ALK: variants seen among roughly 807,000 people sequenced by gnomAD.
The protein encoded by ALK is ALK receptor tyrosine kinase.
Under a neutral mutation model 163.1 loss-of-function variants are expected in ALK, and 74 were observed. The ratio of observed to expected loss-of-function variants is 0.45; its 90% CI spans 0.38 to 0.55. ALK has a LOEUF of 0.55. ALK is among the 20% of genes least tolerant of loss of function. The pLI is 0.00. For missense variants in ALK, 2,063 were observed against 2,105.3 expected, an observed-to-expected ratio of 0.98 and a Z score of 0.39; for synonymous variants, 960 against 843.2, an observed-to-expected ratio of 1.14 and a Z score of -2.40.
chr2:29,295,156 C>G (rs1407448189), intron 9 of ALK, among the ~76,000 whole-genome samples: 1 of 152,160 alleles, frequency 6.6e-6, no homozygotes, highest in African/African-American at 2.4e-5. Flanking sequence ...ACAGTTTGGT[C>G]TCAGTATCAA....
intron 1 of ALK, among the ~76,000 whole-genome samples, chr2:29,852,419 A>C (rs1468383355): frequency 6.6e-6 from 1 of 152,180 alleles, no homozygotes; most frequent in Non-Finnish European, 1.5e-5. Flanking sequence ...AAGATGGGCC[A>C]CACCAGCCAG....
chr2:29,355,478 C>T (rs140180184), intron 5 of ALK, among the ~76,000 whole-genome samples: 87 of 152,134 alleles, frequency 5.7e-4, no homozygotes, highest in Non-Finnish European at 1.1e-3. Flanking sequence ...CACATACACA[C>T]CCACCACACA....
At chr2:29,561,902 T>C (rs1411630633) in intron 3 of ALK, among the ~76,000 whole-genome samples, 1 of 152,120 alleles carries the variant, frequency 6.6e-6, no homozygotes, top group Non-Finnish European at 1.5e-5. Flanking sequence ...TTAACTATTC[T>C]GGGGTGGGGT....
chr2:29,549,283 G>A (rs1423682227), intron 3 of ALK, among the ~76,000 whole-genome samples: 2 of 152,142 alleles, frequency 1.3e-5, no homozygotes, highest in East Asian at 3.8e-4. Flanking sequence ...GATGAGTAGT[G>A]TTCAAATTTC....
intron 4 of ALK, among the ~76,000 whole-genome samples, chr2:29,473,607 A>G (rs1234899582): frequency 6.6e-6 from 1 of 152,212 alleles, no homozygotes; most frequent in Non-Finnish European, 1.5e-5. Context: ...CAAAAGAAAT[A>G]TTCAATAAGC....
chr2:29,482,549 T>G (rs1469778460), intron 4 of ALK, among the ~76,000 whole-genome samples: 1 of 152,124 alleles, frequency 6.6e-6, no homozygotes, highest in Non-Finnish European at 1.5e-5. Flanking sequence ...GACCTGATGC[T>G]TTAAATAGGC....
rs149670697 is a variant in ALK at position 29,623,900 on chromosome 2, T to C, written c.952+70950A>G. 4.7e-3 allele frequency among the ~76,000 whole-genome samples: 709 copies of C among 152,330 alleles called. 4 individuals are homozygous for C. The highest frequency in any genetic ancestry group is 0.017 in the African/African-American group (693 of 41,570). On this transcript the variant is annotated intron_variant, in intron 3 of 28. Coordinates refer to ENST00000389048, the MANE Select transcript of ALK (RefSeq NM_004304.5). ...TTCAAACGTCTATTTGTAAAGCATGTTTACAACAGTTGGTGGCTTAAATAT... is the reference window on the plus strand; with the variant it reads ...TTCAAACGTCTATTTGTAAAGCATGCTTACAACAGTTGGTGGCTTAAATAT...
intron 1 of ALK, among the ~76,000 whole-genome samples, chr2:29,839,154 C>T (rs1229923767): frequency 6.6e-6 from 1 of 152,068 alleles, no homozygotes; most frequent in African/African-American, 2.4e-5. Flanking sequence ...AAACCATTTC[C>T]ACCTTAGTGC....
intron 1 of ALK, among the ~76,000 whole-genome samples, chr2:29,742,872 G>A (rs17008591): frequency 0.062 from 9,439 of 152,136 alleles, 767 homozygotes; most frequent in African/African-American, 0.19. Context: ...CAGCTGCAAC[G>A]GCCAGCAATG....
At chr2:29,888,536 CCA>C (rs1284147150) in intron 1 of ALK, among the ~76,000 whole-genome samples, 2 of 152,130 alleles carry the variant, frequency 1.3e-5, no homozygotes, top group Admixed American at 6.5e-5. Flanking sequence ...GTGGGCTGTT[CCA>C]GCTACCGAAC....
At chr2:29,516,240 G>A (rs1381625402) in intron 4 of ALK, among the ~76,000 whole-genome samples, 1 of 152,182 alleles carries the variant, frequency 6.6e-6, no homozygotes, top group African/African-American at 2.4e-5. Context: ...GTGCACTGTT[G>A]GGGTTTGGTG....
At chr2:29,553,554 T>A (rs1178363962) in intron 3 of ALK, among the ~76,000 whole-genome samples, 1 of 152,212 alleles carries the variant, frequency 6.6e-6, no homozygotes, top group Admixed American at 6.5e-5. Context: ...TCTGTCTCTC[T>A]CATGAAACAT....
intron 12 of ALK, among the ~76,000 whole-genome samples, chr2:29,249,361 C>T (rs979446085): frequency 4.6e-5 from 7 of 152,250 alleles, no homozygotes; most frequent in South Asian, 4.2e-4. Context: ...TTTTTGTATA[C>T]GGGGTGTGTT....
chr2:29,714,673 T>C (rs1285015217), intron 2 of ALK, among the ~76,000 whole-genome samples: 1 of 152,200 alleles, frequency 6.6e-6, no homozygotes, highest in East Asian at 1.9e-4. Flanking sequence ...TTGCAGAGAC[T>C]TGGTGACTTC....
chr2:29,354,428 G>T (rs1043339815), intron 5 of ALK, among the ~76,000 whole-genome samples: 1 of 152,162 alleles, frequency 6.6e-6, no homozygotes, highest in African/African-American at 2.4e-5. Context: ...TGTCTGTGAG[G>T]GTTGAGCTGA....
intron 1 of ALK, among the ~76,000 whole-genome samples, chr2:29,774,563 G>A (rs953180705): frequency 9.2e-5 from 14 of 152,214 alleles, no homozygotes; most frequent in Non-Finnish European, 1.6e-4. Context: ...GATTCCCAAA[G>A]GTTAATGCCT....
At chr2:29,335,392 A>G (rs923218284) in intron 5 of ALK, among the ~76,000 whole-genome samples, 1 of 152,242 alleles carries the variant, frequency 6.6e-6, no homozygotes, top group Admixed American at 6.5e-5. Context: ...TTTGAATCTC[A>G]TAAAAACTGG....
In ALK at chr2:29,250,980, C is replaced by T. The variant is rs80031559; in HGVS notation, c.2204+125G>A. On this transcript the variant is annotated intron_variant, in intron 12 of 28. Coordinates refer to ENST00000389048, the MANE Select transcript of ALK (RefSeq NM_004304.5). ...CTCCAACCTTTATACCCCCTATGGGCCTGAGTCTGTTGCCTTTGAACCTTG... is the reference window on the plus strand; with the variant it reads ...CTCCAACCTTTATACCCCCTATGGGTCTGAGTCTGTTGCCTTTGAACCTTG... 1,146 of 922,880 alleles carry T rather than the reference C, an allele frequency of 1.2e-3. 9 individuals carry two copies. The African/African-American group carries it at 0.016, about 13-fold the overall frequency. 57.2% of individuals were successfully genotyped at this position (922,880 alleles called of 1,614,324 possible).
At chr2:29,313,731 T>C (rs1666753714) in intron 8 of ALK, among the ~76,000 whole-genome samples, 2 of 152,052 alleles carry the variant, frequency 1.3e-5, no homozygotes, top group Admixed American at 6.5e-5. Flanking sequence ...ATGCATAGGA[T>C]CTGCTCTGGA....
Sources: gnomAD v4.1 joint callset for allele counts (sites outside exome capture counted in the v4.1 genomes callset) on GRCh38, gnomAD v4.1.1 for gene constraint, MANE v1.5 for transcripts, NCBI Gene and HGNC (gene_info 2026-07-23, HGNC 2026-07-21) for gene names.